The following MYRFL variants were observed in gnomAD, a reference collection of about 807,000 sequenced individuals.
The protein encoded by MYRFL is myelin regulatory factor like.
In MYRFL, 88 loss-of-function variants were observed where a neutral mutation model predicts 109.4. The ratio of observed to expected loss-of-function variants is 0.80; its 90% confidence interval spans 0.68 to 0.96. MYRFL has a LOEUF of 0.96. Among genes scored for constraint, MYRFL ranks in the 40% least tolerant of loss-of-function variants. The pLI is 0.00. For missense variants in MYRFL, 957 were observed against 954.9 expected, an observed-to-expected ratio of 1.00 and a Z score of -0.03; for synonymous variants, 324 against 320.9, an observed-to-expected ratio of 1.01 and a Z score of -0.10.
rs1186107178 is a variant in MYRFL at position 69,959,017 on chromosome 12, C to CTG, written c.*487_*488insGT. Reference sequence around the variant, plus strand: ...TGAGCTCACATTTAGGCAAATTGTCCTATGTGTGTGTGTATTGTATAAACA... The same window carrying CTG: ...TGAGCTCACATTTAGGCAAATTGTCCTGTATGTGTGTGTGTATTGTATAAACA... On this transcript the variant is annotated 3_prime_UTR_variant, in exon 25 of 25. Transcript: ENST00000552032. 2 of 160,030 alleles carry CTG rather than the reference C, an allele frequency of 1.2e-5. No homozygotes were observed. Among genetic ancestry groups the CTG allele is most frequent in the African/African-American group, 2.4e-5 (1 of 41,424 alleles). 9.9% of individuals were successfully genotyped at this position (160,030 alleles called of 1,614,324 possible).
chr12:69,945,770 G>A (rs1226774002), intron 19 of MYRFL, among the ~76,000 whole-genome samples: 3 of 151,400 alleles, frequency 2.0e-5, no homozygotes, highest in African/African-American at 7.3e-5. Flanking sequence ...GGCGGATCAC[G>A]AGGTCAGGAG....
intron 13 of MYRFL, among the ~76,000 whole-genome samples, chr12:69,917,581 T>A (rs1954779375): frequency 6.6e-6 from 1 of 152,148 alleles, no homozygotes; most frequent in African/African-American, 2.4e-5. Context: ...CTGTACTGCC[T>A]TAGGCCTCTG....
intron 2 of MYRFL, among the ~76,000 whole-genome samples, chr12:69,877,548 C>A (rs1885766508): frequency 6.6e-6 from 1 of 152,140 alleles, no homozygotes; most frequent in African/African-American, 2.4e-5. Context: ...CTATTTCTGT[C>A]TGCTGCCATG....
intron 22 of MYRFL, 111 bp from the exon 23 acceptor site, chr12:69,957,711 A>C (rs1565655736): frequency 1.5e-6 from 2 of 1,316,886 alleles, no homozygotes; most frequent in South Asian, 1.7e-5. Context: ...GTGAACTTTG[A>C]ATGGATTTCC....
intron 19 of MYRFL, among the ~76,000 whole-genome samples, chr12:69,948,182 C>T (rs1019499972): frequency 1.3e-5 from 2 of 152,140 alleles, no homozygotes; most frequent in Admixed American, 6.6e-5. Flanking sequence ...TTCTTATAAC[C>T]AGCCTTTCAG....
At chr12:69,936,078 G>GTTTTTTTTTTTTT in intron 16 of MYRFL, 35 bp from the exon 17 acceptor site, 21 of 891,622 alleles carry the variant, frequency 2.4e-5, no homozygotes, top group Admixed American at 1.5e-4. Flanking sequence ...GCCACATAAT[G>GTTTTTTTTTTTTT]TTTTTTTTTT....
chr12:69,886,866 G>A lies in MYRFL; in HGVS notation c.603G>A (p.Glu201=), dbSNP rs760296740. The A allele has an allele frequency of 3.9e-5, 60 of 1,535,820 alleles. No individual in the cohort carries two copies. The highest frequency in any genetic ancestry group is 1.3e-5 in the Non-Finnish European group (15 of 1,146,742). The change falls in exon 6 of 25, where the codon GAG becomes GAA. Residue 201 remains glutamate, a synonymous_variant. Transcript: ENST00000552032. The part of the protein sequence containing the change: ...RSSEVQDPDS[E]GQNRMPTDQC... ...GTGAAGTCCAGGACCCTGACAGTGA[G>A]GGACAGAACAGAATGCCTACAGACC...
At chr12:69,922,972 A>G (rs1592838439) in intron 13 of MYRFL, among the ~76,000 whole-genome samples, 1 of 152,224 alleles carries the variant, frequency 6.6e-6, no homozygotes, top group African/African-American at 2.4e-5. Flanking sequence ...TAGATGTTAT[A>G]TAGGACAGGC....
At chr12:69,944,429 C>T (rs1370966877) in intron 19 of MYRFL, among the ~76,000 whole-genome samples, 1 of 143,754 alleles carries the variant, frequency 7.0e-6, no homozygotes, top group Non-Finnish European at 1.5e-5. Flanking sequence ...TAAACTATCG[C>T]AAGAACAAAA....
chr12:69,893,467 C>T (rs1410018177), intron 7 of MYRFL, among the ~76,000 whole-genome samples: 1 of 152,174 alleles, frequency 6.6e-6, no homozygotes, highest in African/African-American at 2.4e-5. Flanking sequence ...TAAGGAGCTG[C>T]CTTACTCCTG....
rs1397635010 is a variant in MYRFL, at chr12:69,910,211, A to C, written c.1492+134A>C. 7.7e-6 allele frequency: 5 copies of C among 645,358 alleles called. No individual in the cohort carries two copies. In the East Asian group the frequency reaches 1.5e-4, roughly 19 times the overall value. The allele number at this position is 645,358 out of a possible 1,614,324, so 40.0% of individuals were successfully genotyped here. A position where few individuals can be genotyped will look rare whatever the true frequency, so the allele number is the denominator to read the frequency against. On this transcript the variant is annotated intron_variant, in intron 12 of 24. Transcript: ENST00000552032. ...CTAACTTGTTCTCTGTGAAACTCAT[A>C]GTCACTAGAACAGGAAAGGTTAAAA... is the stretch of plus-strand genomic sequence containing the variant.
At chr12:69,894,636 G>A (rs1240269) in intron 8 of MYRFL, among the ~76,000 whole-genome samples, 148,486 of 152,340 alleles carry the variant, frequency 0.97, 72,464 homozygotes, top group Middle Eastern at 1. Flanking sequence ...ATGGATTCCA[G>A]TATAGAAAGC....
chr12:69,893,282 T>C (rs1312835685), intron 7 of MYRFL, among the ~76,000 whole-genome samples: 1 of 152,254 alleles, frequency 6.6e-6, no homozygotes, highest in Non-Finnish European at 1.5e-5. Flanking sequence ...TAAATGTTAA[T>C]TCTTATGATT....
chr12:69,921,584 TA>T lies in MYRFL; in HGVS notation c.1603-4986del, dbSNP rs199613744. ...TTTCAGTAAGAGTCAACCCCTATAATATGTATTAGAAATTTACTTTTTGGTA... is the reference window on the plus strand; with the variant it reads ...TTTCAGTAAGAGTCAACCCCTATAATTGTATTAGAAATTTACTTTTTGGTA... On this transcript the variant is annotated intron_variant, in intron 13 of 24. Coordinates refer to ENST00000552032, the MANE Select transcript of MYRFL (RefSeq NM_182530.3). Among the ~76,000 whole-genome samples the T allele has an allele frequency of 7.9e-3, 1,201 of 152,330 alleles. 11 individuals carry two copies. The highest frequency in any genetic ancestry group is 0.028 in the African/African-American group (1,152 of 41,576).
intron 7 of MYRFL, among the ~76,000 whole-genome samples, chr12:69,891,678 TTTCTTTCGTTCGTTCGTTCTTTCTTTC>T (rs1886899025): frequency 8.9e-6 from 1 of 112,436 alleles, no homozygotes; most frequent in African/African-American, 4.1e-5. Flanking sequence ...TCTTTCTTTC[TTTCTTTCGTTCGTTCGTTCTTTCTTTC>T]TTTTTTTCTT....
chr12:69,895,386 T>C lies in MYRFL; in HGVS notation c.996T>C (p.Ala332=). The C allele has an allele frequency of 2.0e-6, 3 of 1,535,084 alleles. No homozygotes were observed. The highest frequency in any genetic ancestry group is 2.6e-6 in the Non-Finnish European group (3 of 1,146,190). ...TTTGTTTTAGAATTGACCTACTGGC[T>C]GACCAGGTCACCAAAGTAACACTGG... The part of the protein sequence containing the change: ...IFNPVKIDLL[A]DQVTKVTLGR... Residue 332 remains alanine (A), a synonymous_variant, in exon 9 of 25, where the codon GCT becomes GCC. Transcript: ENST00000552032.
At chr12:69,948,805 C>T (rs1056948128) in intron 19 of MYRFL, among the ~76,000 whole-genome samples, 3 of 152,172 alleles carry the variant, frequency 2.0e-5, no homozygotes, top group Non-Finnish European at 2.9e-5. Flanking sequence ...CTTGCCCTGC[C>T]TTCCAGTTCT....
chr12:69,868,834 C>T (rs948088978), intron 2 of MYRFL, among the ~76,000 whole-genome samples: 1 of 152,246 alleles, frequency 6.6e-6, no homozygotes, highest in African/African-American at 2.4e-5. Flanking sequence ...CACATGTACA[C>T]ACACATGCAC....
chr12:69,944,820 A>G (rs552930246), intron 19 of MYRFL, among the ~76,000 whole-genome samples: 3 of 152,340 alleles, frequency 2.0e-5, no homozygotes, highest in African/African-American at 7.2e-5. Context: ...AGGCGTGTGT[A>G]TACCTATGTA....
Sources: allele counts gnomAD v4.1 joint callset (sites outside exome capture counted in the v4.1 genomes callset), GRCh38; gene constraint gnomAD v4.1.1; transcripts MANE v1.5; gene names NCBI Gene and HGNC (gene_info 2026-07-23, HGNC 2026-07-21).